The following EPS8L2 variants were observed in gnomAD, a reference collection of about 807,000 sequenced individuals.
EPS8L2 encodes the protein epidermal growth factor receptor kinase substrate 8-like protein 2.
In EPS8L2, 81 loss-of-function variants were observed where a neutral mutation model predicts 99.4. The observed-to-expected ratio is 0.82, with a 90% CI of 0.68 to 0.98. The LOEUF (loss-of-function observed/expected upper bound fraction) is 0.98, where lower values mean the gene tolerates loss of function less well. EPS8L2 is among the 50% of genes least tolerant of loss of function. EPS8L2 has a pLI of 0.00. For missense variants in EPS8L2, 1,155 were observed against 968.8 expected (o/e 1.19, Z -2.55); for synonymous variants, 509 against 407.3 (o/e 1.25, Z -3.01).
At chr11:723,793 A>C (rs1862251922) in intron 15 of EPS8L2, among the ~76,000 whole-genome samples, 1 of 144,018 alleles carries the variant, frequency 6.9e-6, no homozygotes, top group Non-Finnish European at 1.5e-5. Flanking sequence ...TCCAAAGAGG[A>C]CAAAGAACAA....
Position 724,793 on chromosome 11 carries a change from C to G in EPS8L2, c.1524C>G (p.Ala508=), listed in dbSNP as rs1337605995. The part of the protein sequence containing the change: ...KILYDFTARN[A]NELSVLKDEV... ...TGTATGACTTCACAGCCCGAAATGC[C>G]AACGAGCTATCGGTGCTCAAGGATG... The change falls in exon 16 of 21, where the codon GCC becomes GCG. Residue 508 remains alanine, a synonymous_variant. Coordinates refer to ENST00000318562, the MANE Select transcript of EPS8L2 (RefSeq NM_022772.4). This position sits in a 1 kb window ranked among gnomAD's most constrained non-coding sequence, Gnocchi z 5.5. The G allele has an allele frequency of 1.9e-6, 3 of 1,613,632 alleles. No individual in the cohort carries two copies. The highest frequency in any genetic ancestry group is 2.5e-6 in the Non-Finnish European group (3 of 1,179,922).
intron 1 of EPS8L2, among the ~76,000 whole-genome samples, chr11:708,034 C>T (rs892752091): frequency 6.6e-6 from 1 of 152,198 alleles, no homozygotes; most frequent in Non-Finnish European, 1.5e-5. Context: ...GCCCCCGGGC[C>T]TCCCAGACCC....
chr11:719,591 A>G (rs985437057), intron 4 of EPS8L2, among the ~76,000 whole-genome samples: 2 of 152,370 alleles, frequency 1.3e-5, no homozygotes, highest in South Asian at 2.1e-4. Flanking sequence ...CAACCGGAAC[A>G]GTGCCTTGGA....
At chr11:720,808 C>A in intron 6 of EPS8L2, 22 bp from the exon 7 acceptor site, 1 of 1,543,352 alleles carries the variant, frequency 6.5e-7, no homozygotes, top group Non-Finnish European at 8.7e-7. Flanking sequence ...CCCTCCTGGC[C>A]GCCTGACGCC....
chr11:710,129 C>T (rs1861845657), intron 3 of EPS8L2: 1 of 436,356 alleles, frequency 2.3e-6, no homozygotes, highest in Non-Finnish European at 4.2e-6. Context: ...TTCCTGTCCC[C>T]TCACCCTCCG....
chr11:726,021 G>A (rs918750095), intron 17 of EPS8L2, 77 bp from the exon 18 acceptor site: 9 of 1,302,952 alleles, frequency 6.9e-6, no homozygotes, highest in Middle Eastern at 2.6e-4. Flanking sequence ...GGGGATTGGC[G>A]GGGTGGGGAG....
At chr11:726,776 C>G in intron 20 of EPS8L2, 25 bp downstream of exon 20, 1 of 1,581,728 alleles carries the variant, frequency 6.3e-7, no homozygotes, top group South Asian at 1.1e-5. Context: ...GCTCCGGCGC[C>G]ACGCCCCTCC....
Position 726,727 on chromosome 11 carries a change from C to A in EPS8L2, c.2043C>A (p.Leu681=). Residue 681 remains leucine (L), a synonymous_variant, in exon 20 of 21, where the codon CTC becomes CTA. Transcript: ENST00000318562. ...GEEGVRVYSQ[L]TMQKAFLEKQ... ...AGGGCGTCCGCGTGTACAGCCAGCTCACCATGCAGAAGGCCTTCCTGGAGG... is the reference window on the plus strand; with the variant it reads ...AGGGCGTCCGCGTGTACAGCCAGCTAACCATGCAGAAGGCCTTCCTGGAGG... 1 of 1,595,174 alleles carries A rather than the reference C, an allele frequency of 6.3e-7. No homozygotes were observed. The highest frequency in any genetic ancestry group is 1.8e-5 in the Admixed American group (1 of 56,720).
rs1313642042 is a variant in EPS8L2, at chr11:720,669, T to C, written c.400T>C (p.Ser134Pro). 1 of 1,597,118 alleles carries C rather than the reference T, an allele frequency of 6.3e-7. No homozygotes were observed. Among genetic ancestry groups the C allele is most frequent in the Non-Finnish European group, 8.5e-7 (1 of 1,173,516 alleles). Residue 134 changes from serine to proline, a missense_variant, in exon 6 of 21, where the codon TCT becomes CCT. Transcript: ENST00000318562. ...GGTCCTCAACCAGCTGCGCTACCCG[T>C]CTGTGCTGCTGCTCGTGTGCCAGGA... ...QTVLNQLRYP[S>P]VLLLVCQDSE...
At chr11:725,643 C>G in intron 16 of EPS8L2, 85 bp from the exon 17 acceptor site, 2 of 1,247,304 alleles carry the variant, frequency 1.6e-6, no homozygotes, top group Non-Finnish European at 2.0e-6. Flanking sequence ...CTAGGGCGCT[C>G]CCGACCTCTG....
At position 726,428 on chromosome 11, in the gene EPS8L2, C is replaced by T. The variant is rs769735491; in HGVS notation, c.1878C>T (p.Tyr626=). 6.3e-7 allele frequency: 1 copy of T among 1,599,590 alleles called. No individual in the cohort carries two copies. The highest frequency in any genetic ancestry group is 8.5e-7 in the Non-Finnish European group (1 of 1,174,432). ...RSQPVSQPLT[Y]ESGPDEVRAW... ...AGCCCGTGAGCCAGCCGCTCACCTA[C>T]GAGTCGGGTCCGGACGAGGTCCGCG... Residue 626 remains tyrosine, a synonymous_variant, in exon 19 of 21, where the codon TAC becomes TAT. Transcript: ENST00000318562.
chr11:709,166 G>A (rs867095255), intron 1 of EPS8L2, 164 bp from the exon 2 acceptor site: 11 of 573,560 alleles, frequency 1.9e-5, no homozygotes, highest in East Asian at 2.8e-5. Context: ...CAACTGGGAC[G>A]TGGGGCCAAC....
intron 4 of EPS8L2, among the ~76,000 whole-genome samples, chr11:711,876 G>A (rs1338212722): frequency 9.9e-5 from 15 of 151,956 alleles, no homozygotes; most frequent in African/African-American, 2.4e-4. Context: ...CCAGCTACTC[G>A]GGAGGCTGAG....
rs201169986 is a variant in EPS8L2 at position 725,824 on chromosome 11, G to A, written c.1657G>A (p.Asp553Asn). 381 of 1,387,014 alleles carry A rather than the reference G, an allele frequency of 2.7e-4. No homozygotes were observed. The highest frequency in any genetic ancestry group is 3.0e-4 in the Non-Finnish European group (320 of 1,075,940). The allele number at this position is 1,387,014 out of a possible 1,614,324, so 85.9% of individuals were successfully genotyped here. A position where few individuals can be genotyped will look rare whatever the true frequency, so the allele number is the denominator to read the frequency against. Residue 553 changes from aspartate (D) to asparagine (N), a missense_variant, in exon 17 of 21, where the codon GAC becomes AAC. Coordinates refer to ENST00000318562, the MANE Select transcript of EPS8L2 (RefSeq NM_022772.4). ...CNILGEARPE[D>N]AGAPFEQAGQ... The stretch of plus-strand genomic sequence containing the variant: ...CATCCTAGGCGAGGCGCGACCGGAG[G>A]ACGCCGGCGCCCCGTTCGAGCAGGT...
At chr11:710,654 G>A (rs951670466) in intron 4 of EPS8L2, among the ~76,000 whole-genome samples, 168 bp downstream of exon 4, 1 of 152,228 alleles carries the variant, frequency 6.6e-6, no homozygotes, top group Non-Finnish European at 1.5e-5. Flanking sequence ...ACTTGAGCCC[G>A]GGAGGCGGAG....
chr11:722,060 C>T (rs1280196855), intron 11 of EPS8L2, 31 bp from the exon 12 acceptor site: 3 of 1,611,048 alleles, frequency 1.9e-6, no homozygotes, highest in Non-Finnish European at 2.5e-6. Context: ...CCGCCCCGCC[C>T]CGGCACCTGC....
In EPS8L2 at chr11:726,501, G is replaced by C. The variant is rs1299754703; in HGVS notation, c.1934+17G>C. 1 of 1,536,798 alleles carries C rather than the reference G, an allele frequency of 6.5e-7. No individual in the cohort carries two copies. On this transcript the variant is annotated intron_variant, in intron 19 of 20. Coordinates refer to ENST00000318562, the MANE Select transcript of EPS8L2 (RefSeq NM_022772.4). ...CAGCCCGCGGTGAGCGGGGGCGGGG[G>C]ATGAGCTGGGGCCCGGGCGAGGGGT...
intron 4 of EPS8L2, among the ~76,000 whole-genome samples, chr11:715,864 C>T (rs1248460532): frequency 1.3e-5 from 2 of 151,936 alleles, no homozygotes; most frequent in African/African-American, 4.8e-5. Context: ...TCACGATCCG[C>T]CTGCCTCGGC....
intron 15 of EPS8L2, among the ~76,000 whole-genome samples, chr11:723,940 C>T (rs1862254769): frequency 6.6e-6 from 1 of 152,182 alleles, no homozygotes; most frequent in African/African-American, 2.4e-5. Flanking sequence ...GAGGGGCCAG[C>T]AATCCATCTT....
Sources: allele counts gnomAD v4.1 joint callset (sites outside exome capture counted in the v4.1 genomes callset), GRCh38; gene constraint gnomAD v4.1.1; non-coding constraint Gnocchi (gnomAD v3.1); transcripts MANE v1.5; gene names NCBI Gene and HGNC (gene_info 2026-07-23, HGNC 2026-07-21).